Variants in RUNDC3B observed in about 807,000 individuals in gnomAD.
The protein encoded by RUNDC3B is RUN domain-containing protein 3B.
In RUNDC3B, 33 loss-of-function variants were observed where a neutral mutation model predicts 58.4. The observed-to-expected ratio is 0.56, with a 90% CI of 0.43 to 0.75. The LOEUF (loss-of-function observed/expected upper bound fraction) is 0.75. RUNDC3B is among the 30% of genes least tolerant of loss of function. RUNDC3B has a pLI of 0.00. For missense variants in RUNDC3B, 501 were observed against 535.7 expected (o/e 0.94, Z 0.64); for synonymous variants, 193 against 195.2 (o/e 0.99, Z 0.10).
In RUNDC3B at chr7:87,830,728, CTG is replaced by C. The variant is rs1227776891; in HGVS notation, c.*700_*701del. 1 of 151,082 alleles carries C rather than the reference CTG, an allele frequency of 6.6e-6. No homozygotes were observed. Among genetic ancestry groups the C allele is most frequent in the Non-Finnish European group, 1.5e-5 (1 of 67,720 alleles). The allele number at this position is 151,082 out of a possible 1,614,324, so 9.4% of individuals were successfully genotyped here. On this transcript the variant is annotated 3_prime_UTR_variant, in exon 11 of 11. Coordinates refer to ENST00000394654, the MANE Select transcript of RUNDC3B (RefSeq NM_001134405.2). ...ATGCCATTTAGGCAAAATGAATAAA[CTG>C]TTTTCCAAGATTTTCTTAAAAGATT...
At chr7:87,710,292 AG>A (rs1304917183) in intron 3 of RUNDC3B, among the ~76,000 whole-genome samples, 1 of 152,166 alleles carries the variant, frequency 6.6e-6, no homozygotes, top group Admixed American at 6.5e-5. Context: ...GTAATTCAAA[AG>A]AAGTCTCTAA....
At chr7:87,791,981 C>G (rs1835545373) in intron 8 of RUNDC3B, among the ~76,000 whole-genome samples, 1 of 151,870 alleles carries the variant, frequency 6.6e-6, no homozygotes, top group African/African-American at 2.4e-5. Context: ...ACACACTTTA[C>G]CTATAAAGAT....
At chr7:87,793,449 C>G (rs771389817) in intron 8 of RUNDC3B, among the ~76,000 whole-genome samples, 26 of 151,994 alleles carry the variant, frequency 1.7e-4, no homozygotes, top group Non-Finnish European at 3.1e-4. Flanking sequence ...AAACCAAATT[C>G]AACAATACAC....
intron 2 of RUNDC3B, among the ~76,000 whole-genome samples, chr7:87,687,615 A>C (rs1827598525): frequency 6.6e-6 from 1 of 152,332 alleles, no homozygotes; most frequent in East Asian, 1.9e-4. Flanking sequence ...ATATGGCAGA[A>C]ACTCAGTCAT....
intron 6 of RUNDC3B, among the ~76,000 whole-genome samples, chr7:87,757,606 C>T (rs1042985203): frequency 4.6e-5 from 7 of 152,000 alleles, no homozygotes; most frequent in African/African-American, 1.4e-4. Flanking sequence ...AATCTATAGA[C>T]CCAATGTATT....
chr7:87,661,405 G>GC (rs1382447657), intron 2 of RUNDC3B, among the ~76,000 whole-genome samples: 1 of 146,238 alleles, frequency 6.8e-6, no homozygotes, highest in Non-Finnish European at 1.5e-5. Context: ...CCCACTAACT[G>GC]CCCCCCACCT....
intron 6 of RUNDC3B, among the ~76,000 whole-genome samples, chr7:87,743,734 G>A (rs755286635): frequency 2.5e-4 from 38 of 152,038 alleles, no homozygotes; most frequent in Non-Finnish European, 4.3e-4. Flanking sequence ...CAGATATATA[G>A]GTTGTGAAGA....
rs1347193378 is a variant in RUNDC3B, at chr7:87,830,580, T to C, written c.*550T>C. ...GGCTTATTCAGTTTTTCTTTAATAT[T>C]TACCATTTGGTATCAATTCAGCATT... On this transcript the variant is annotated 3_prime_UTR_variant, in exon 11 of 11. Coordinates refer to ENST00000394654, the MANE Select transcript of RUNDC3B (RefSeq NM_001134405.2). The C allele has an allele frequency of 6.6e-6, 1 of 152,124 alleles. No individual in the cohort carries two copies. The highest frequency in any genetic ancestry group is 1.5e-5 in the Non-Finnish European group (1 of 67,860). 9.4% of individuals were successfully genotyped at this position (152,124 alleles called of 1,614,324 possible). A position where few individuals can be genotyped will look rare whatever the true frequency, so the allele number is the denominator to read the frequency against.
chr7:87,695,244 AAAGCT>A (rs1276528054), intron 2 of RUNDC3B, among the ~76,000 whole-genome samples: 1 of 152,134 alleles, frequency 6.6e-6, no homozygotes, highest in Non-Finnish European at 1.5e-5. Flanking sequence ...TTTTACCTTC[AAAGCT>A]GGATGGTCTA....
intron 1 of RUNDC3B, among the ~76,000 whole-genome samples, chr7:87,644,579 A>G (rs141319740): frequency 7.6e-4 from 116 of 152,354 alleles, no homozygotes; most frequent in Non-Finnish European, 1.2e-3. Flanking sequence ...GTTTTCATGT[A>G]CATTAGTTAT....
At chr7:87,630,606 G>T (rs1821116272) in intron 1 of RUNDC3B, among the ~76,000 whole-genome samples, 1 of 151,638 alleles carries the variant, frequency 6.6e-6, no homozygotes, top group Admixed American at 6.6e-5. Context: ...GTGCTTCTTG[G>T]GGGGTAACAT....
intron 2 of RUNDC3B, among the ~76,000 whole-genome samples, chr7:87,684,476 G>A (rs148739108): frequency 5.9e-5 from 9 of 152,054 alleles, no homozygotes; most frequent in Admixed American, 3.9e-4. Flanking sequence ...AAGCTTATAC[G>A]TATAGATAAA....
chr7:87,722,775 A>G (rs1584006036), intron 4 of RUNDC3B, among the ~76,000 whole-genome samples: 2 of 152,326 alleles, frequency 1.3e-5, no homozygotes, highest in East Asian at 3.9e-4. Context: ...GGCAACAAGT[A>G]GGCACAAGCA....
At chr7:87,822,723 TTCATGTCCTTTATAGGGACATG>T (rs1395838575) in intron 10 of RUNDC3B, among the ~76,000 whole-genome samples, 9 of 151,986 alleles carry the variant, frequency 5.9e-5, no homozygotes, top group Non-Finnish European at 1.3e-4. Context: ...AAATTGAGAG[TTCATGTCCTTTATAGGGACATG>T]GATGAAACTG....
At chr7:87,706,605 G>C (rs1829609133) in intron 3 of RUNDC3B, among the ~76,000 whole-genome samples, 1 of 152,190 alleles carries the variant, frequency 6.6e-6, no homozygotes, top group African/African-American at 2.4e-5. Context: ...TGGAGAGATG[G>C]ATATTACACG....
At chr7:87,714,272 G>T (rs1395203705) in intron 4 of RUNDC3B, among the ~76,000 whole-genome samples, 1 of 152,114 alleles carries the variant, frequency 6.6e-6, no homozygotes, top group Non-Finnish European at 1.5e-5. Context: ...GCTGGGTCCA[G>T]GGGGGTCACT....
chr7:87,686,776 GAAAAAAAAA>G (rs555870738), intron 2 of RUNDC3B, among the ~76,000 whole-genome samples: 4 of 106,976 alleles, frequency 3.7e-5, no homozygotes, highest in African/African-American at 1.4e-4. Context: ...CCCGCCTCTA[GAAAAAAAAA>G]AAAAAAAGAA....
intron 10 of RUNDC3B, among the ~76,000 whole-genome samples, chr7:87,824,246 C>T (rs551056886): frequency 3.9e-5 from 6 of 152,274 alleles, no homozygotes; most frequent in Admixed American, 3.9e-4. Context: ...AATGACGTGT[C>T]ATGTGAGGAA....
At chr7:87,688,488 ATTTC>A (rs1370636912) in intron 2 of RUNDC3B, among the ~76,000 whole-genome samples, 3 of 151,404 alleles carry the variant, frequency 2.0e-5, no homozygotes, top group Admixed American at 6.6e-5. Flanking sequence ...ACTTTTGCCT[ATTTC>A]TTCTGTGGAG....
Sources: gnomAD v4.1 joint callset for allele counts (sites outside exome capture counted in the v4.1 genomes callset) on GRCh38, gnomAD v4.1.1 for gene constraint, MANE v1.5 for transcripts, NCBI Gene and HGNC (gene_info 2026-07-23, HGNC 2026-07-21) for gene names.